The following BCL7A variants were observed in gnomAD, a reference collection of about 807,000 sequenced individuals.
The protein encoded by BCL7A is BAF chromatin remodeling complex subunit BCL7A, also known as B-cell CLL/lymphoma 7 protein family member A.
In BCL7A, 11 loss-of-function variants were observed where a neutral mutation model predicts 28.4. The ratio of observed to expected loss-of-function variants is 0.39; its 90% confidence interval spans 0.24 to 0.64. The LOEUF (loss-of-function observed/expected upper bound fraction) is 0.64, where lower values mean the gene tolerates loss of function less well. Ranked by LOEUF, BCL7A falls within the 30% of genes least tolerant of loss-of-function variation. BCL7A has a pLI of 0.50. For synonymous variants in BCL7A, 123 were observed against 103.3 expected (o/e 1.19, Z -1.15); for missense variants, 222 against 274.8 (o/e 0.81, Z 1.36).
chr12:122,056,107 C>G (rs78615729), intron 5 of BCL7A, among the ~76,000 whole-genome samples: 1 of 152,136 alleles, frequency 6.6e-6, no homozygotes, highest in African/African-American at 2.4e-5. Flanking sequence ...ATTCTTGCAG[C>G]GTGCAGTGAG....
chr12:122,025,071 C>G (rs1415644313), intron 1 of BCL7A, among the ~76,000 whole-genome samples: 3 of 152,032 alleles, frequency 2.0e-5, no homozygotes, highest in Admixed American at 1.3e-4. Flanking sequence ...GGTGAGGTGA[C>G]CAGAAGATGG....
chr12:122,058,990 C>T, intron 5 of BCL7A, 102 bp from the exon 6 acceptor site: 1 of 997,218 alleles, frequency 1.0e-6, no homozygotes, highest in Admixed American at 1.9e-5. Flanking sequence ...CACAAAGCCG[C>T]CCCCGCTCGG....
Position 122,059,140 on chromosome 12 carries a change from C to G in BCL7A, c.610C>G (p.Gln204Glu). The G allele has an allele frequency of 6.2e-7, 1 of 1,612,512 alleles. No individual in the cohort carries two copies. The highest frequency in any genetic ancestry group is 1.1e-5 in the South Asian group (1 of 91,042). Residue 204 changes from glutamine (Q) to glutamate (E), a missense_variant, in exon 6 of 6, where the codon CAA (glutamine) becomes GAA (glutamate). Physicochemically the swap from Gln to Glu is conservative, Grantham distance 29. This residue lies in a region of BCL7A where 155 missense variants were observed against 145.7 expected (regional missense o/e 1.06). Transcript: ENST00000261822. The surrounding 1 kb of genome is among the most constrained non-coding windows in gnomAD (Gnocchi z 4.0). ...TAAAAAGATGAAACTGGAGGCCTCTCAACAAAACTCCGAAGAGATGTAGAC... is the reference window on the plus strand; with the variant it reads ...TAAAAAGATGAAACTGGAGGCCTCTGAACAAAACTCCGAAGAGATGTAGAC... ...PSKKMKLEAS[Q>E]QNSEEM
At chr12:122,047,476 A>C (rs1884100630) in intron 4 of BCL7A, among the ~76,000 whole-genome samples, 1 of 151,930 alleles carries the variant, frequency 6.6e-6, no homozygotes, top group Non-Finnish European at 1.5e-5. Context: ...TTGAGCCGAG[A>C]TCGCACCACT....
intron 5 of BCL7A, among the ~76,000 whole-genome samples, chr12:122,058,441 C>A (rs914161606): frequency 2.0e-5 from 3 of 152,052 alleles, no homozygotes; most frequent in African/African-American, 7.2e-5. Flanking sequence ...GGCAGATAAC[C>A]TGAGGTCAGG....
rs28384349 is a variant in BCL7A at position 122,060,096 on chromosome 12, C to A, written c.*933C>A. 2 of 232,952 alleles carry A rather than the reference C, an allele frequency of 8.6e-6. No homozygotes were observed. The highest frequency in any genetic ancestry group is 1.7e-5 in the Non-Finnish European group (2 of 117,752). 14.4% of individuals were successfully genotyped at this position (232,952 alleles called of 1,614,324 possible). A position where few individuals can be genotyped will look rare whatever the true frequency, so the allele number is the denominator to read the frequency against. On this transcript the variant is annotated 3_prime_UTR_variant, in exon 6 of 6. Coordinates refer to ENST00000261822, the MANE Select transcript of BCL7A (RefSeq NM_001024808.3). ...TGTCTCCTTAAGGCACTGAGTGGGCCGGGGAGGCTGGGAGCCGGCGGCAGG... is the reference window on the plus strand; with the variant it reads ...TGTCTCCTTAAGGCACTGAGTGGGCAGGGGAGGCTGGGAGCCGGCGGCAGG...
At chr12:122,051,741 A>G (rs1884195139) in intron 4 of BCL7A, among the ~76,000 whole-genome samples, 1 of 152,198 alleles carries the variant, frequency 6.6e-6, no homozygotes, top group South Asian at 2.1e-4. Flanking sequence ...CCGGCAGAAA[A>G]GGAGCTGTGG....
chr12:122,025,833 G>A (rs184581566), intron 1 of BCL7A, among the ~76,000 whole-genome samples: 42 of 149,412 alleles, frequency 2.8e-4, no homozygotes, highest in African/African-American at 9.6e-4. Flanking sequence ...TGTAATCCCA[G>A]CTACTCTTAA....
intron 1 of BCL7A, among the ~76,000 whole-genome samples, chr12:122,023,227 G>A (rs967189755): frequency 1.3e-5 from 2 of 152,320 alleles, no homozygotes; most frequent in Admixed American, 6.5e-5. Flanking sequence ...ACTCCCCGCT[G>A]CCTGATTTCA....
chr12:122,030,136 G>A (rs1451516176), intron 1 of BCL7A, among the ~76,000 whole-genome samples: 4 of 152,150 alleles, frequency 2.6e-5, no homozygotes, highest in African/African-American at 9.7e-5. Flanking sequence ...ACCTCCTTTC[G>A]GGCCGAGGTC....
rs1475119647 is a variant in BCL7A, at chr12:122,059,025, C to A, written c.562-67C>A. The A allele has an allele frequency of 7.1e-7, 1 of 1,417,876 alleles. No individual in the cohort carries two copies. Among genetic ancestry groups the A allele is most frequent in the African/African-American group, 1.4e-5 (1 of 71,140 alleles). 87.8% of individuals were successfully genotyped at this position (1,417,876 alleles called of 1,614,324 possible). A position where few individuals can be genotyped will look rare whatever the true frequency, so the allele number is the denominator to read the frequency against. On this transcript the variant is annotated intron_variant, in intron 5 of 5. Coordinates refer to ENST00000261822, the MANE Select transcript of BCL7A (RefSeq NM_001024808.3). The surrounding 1 kb of genome is among the most constrained non-coding windows in gnomAD (Gnocchi z 4.0). The stretch of plus-strand genomic sequence containing the variant: ...GTTCCTTCCTTGGCTGACCTTCGGC[C>A]TCACGCCTGGCCTAACTTGCTCTCC...
rs1399404559 is a variant in BCL7A, at chr12:122,021,916, T to TTGTGTGTGTGTATGTG, written c.-165_-164insATGTGTGTGTGTGTGT. 1.4e-5 allele frequency: 5 copies of TTGTGTGTGTGTATGTG among 353,830 alleles called. No individual in the cohort carries two copies. The highest frequency in any genetic ancestry group is 4.9e-5 in the East Asian group (1 of 20,594). The allele number at this position is 353,830 out of a possible 1,614,324, so 21.9% of individuals were successfully genotyped here. A position where few individuals can be genotyped will look rare whatever the true frequency, so the allele number is the denominator to read the frequency against. The stretch of plus-strand genomic sequence containing the variant: ...GCCAGGCGCGCGGCGGCCCCGGGCT[T>TTGTGTGTGTGTATGTG]TGTGTGTGTGTGTATGTGTGTGTGT... On this transcript the variant is annotated 5_prime_UTR_variant, in exon 1 of 6. The change creates a new upstream start codon in the 5' untranslated region. Coordinates refer to ENST00000261822, the MANE Select transcript of BCL7A (RefSeq NM_001024808.3).
At position 122,054,914 on chromosome 12, in the gene BCL7A, T is replaced by C. The variant is rs1233330132; in HGVS notation, c.549T>C (p.Ser183=). 2 of 1,614,150 alleles carry C rather than the reference T, an allele frequency of 1.2e-6. No individual in the cohort carries two copies. Among genetic ancestry groups the C allele is most frequent in the African/African-American group, 1.3e-5 (1 of 75,034 alleles). The change falls in exon 5 of 6, where the codon TCT becomes TCC. Residue 183 remains serine, a synonymous_variant. Coordinates refer to ENST00000261822, the MANE Select transcript of BCL7A (RefSeq NM_001024808.3). Reference sequence around the variant, plus strand: ...ACTCGGGTCTGGCCGCAGAGACGTCTGCAATCTCTCAGGTACCTCGCTCGA... The same window carrying C: ...ACTCGGGTCTGGCCGCAGAGACGTCCGCAATCTCTCAGGTACCTCGCTCGA... The part of the protein sequence containing the change: ...SGDSGLAAET[S]AISQDLEGVP...
At chr12:122,034,425 TAAAAA>T (rs35998182) in intron 2 of BCL7A, among the ~76,000 whole-genome samples, 3 of 118,388 alleles carry the variant, frequency 2.5e-5, no homozygotes, top group Non-Finnish European at 1.7e-5. Context: ...ATTCCTTTCG[TAAAAA>T]AAAAAAAAAA....
At chr12:122,030,870 G>A (rs565559548) in intron 2 of BCL7A, 89 bp downstream of exon 2, 20 of 1,359,026 alleles carry the variant, frequency 1.5e-5, no homozygotes, top group Admixed American at 7.1e-5. Flanking sequence ...GCTACCCACC[G>A]TGCTGGGGCT....
rs1951911745 is a variant in BCL7A, at chr12:122,060,445, C to T, written c.*1282C>T. ...AAAGGAGAGACGCAATCTCCCCTCC[C>T]TCCCATCCCCCACCTTCGCTGGAAC... On this transcript the variant is annotated 3_prime_UTR_variant, in exon 6 of 6. Transcript: ENST00000261822. 4.3e-6 allele frequency: 1 copy of T among 233,210 alleles called. No homozygotes were observed. The allele number at this position is 233,210 out of a possible 1,614,324, so 14.4% of individuals were successfully genotyped here. A position where few individuals can be genotyped will look rare whatever the true frequency, so the allele number is the denominator to read the frequency against.
At position 122,041,170 on chromosome 12, in the gene BCL7A, G is replaced by A. The variant is rs77201221; in HGVS notation, c.272-2716G>A. Among the ~76,000 whole-genome samples the A allele has an allele frequency of 2.2e-3, 338 of 152,300 alleles. 11 individuals carry two copies. The East Asian group carries it at 0.061, about 28-fold the overall frequency. ...CGGCAGGTTGAGGTAGAGGAGGGGC[G>A]TGGGGCTGGGAGTTGGGCAGATGGG... On this transcript the variant is annotated intron_variant, in intron 3 of 5. Transcript: ENST00000261822.
At chr12:122,055,074 C>T (rs1184341856) in intron 5 of BCL7A, 148 bp downstream of exon 5, 1 of 1,489,736 alleles carries the variant, frequency 6.7e-7, no homozygotes, top group Non-Finnish European at 9.1e-7. Context: ...GGGCTATGTC[C>T]ATGAACACAG....
intron 1 of BCL7A, among the ~76,000 whole-genome samples, chr12:122,023,777 A>C: frequency 6.6e-6 from 1 of 152,300 alleles, no homozygotes; most frequent in African/African-American, 2.4e-5. Flanking sequence ...GCTGGAAAAC[A>C]ACCCGCAGCC....
Sources: gnomAD v4.1 joint callset for allele counts (sites outside exome capture counted in the v4.1 genomes callset) on GRCh38, gnomAD v4.1.1 for gene constraint, gnomAD v4.1.1 regional missense constraint, Gnocchi (gnomAD v3.1) non-coding constraint, MANE v1.5 for transcripts, NCBI Gene and HGNC (gene_info 2026-07-23, HGNC 2026-07-21) for gene names.